PCDH15: variants seen among roughly 807,000 people sequenced by gnomAD.
PCDH15 encodes protocadherin-15.
In PCDH15, 129 loss-of-function variants were observed where a neutral mutation model predicts 178.5. The observed-to-expected ratio is 0.72, with a 90% CI of 0.63 to 0.84. PCDH15 has a LOEUF of 0.84. Among genes scored for constraint, PCDH15 ranks in the 40% least tolerant of loss-of-function variants. The pLI, the probability that PCDH15 is intolerant of heterozygous loss-of-function variation, is 0.00. For missense variants in PCDH15, 2,230 were observed against 2,099.9 expected (o/e 1.06, Z -1.21); for synonymous variants, 800 against 732.0 (o/e 1.09, Z -1.50).
chr10:55,562,849 CA>C (rs1842227945), intron 2 of PCDH15, among the ~76,000 whole-genome samples: 2 of 151,962 alleles, frequency 1.3e-5, no homozygotes, highest in Non-Finnish European at 2.9e-5. Flanking sequence ...GATGGAAAAG[CA>C]AGCACTGGAA....
intron 5 of PCDH15, among the ~76,000 whole-genome samples, chr10:54,368,384 T>C (rs564838776): frequency 6.6e-6 from 1 of 152,096 alleles, no homozygotes; most frequent in Admixed American, 6.6e-5. Context: ...ATTAATGTCA[T>C]TCATTTTTTC....
chr10:55,458,258 G>T (rs746332521), intron 2 of PCDH15, among the ~76,000 whole-genome samples: 4 of 151,890 alleles, frequency 2.6e-5, no homozygotes, highest in Non-Finnish European at 4.4e-5. Context: ...CCTTTTAAAT[G>T]CAATATACCA....
intron 3 of PCDH15, among the ~76,000 whole-genome samples, chr10:54,516,501 G>T (rs1474958146): frequency 1.3e-5 from 2 of 152,028 alleles, no homozygotes; most frequent in African/African-American, 2.4e-5. Flanking sequence ...AAGAAGGGAA[G>T]TTTAGAGAAA....
chr10:55,455,939 G>A (rs1236619137), intron 2 of PCDH15, among the ~76,000 whole-genome samples: 1 of 152,044 alleles, frequency 6.6e-6, no homozygotes, highest in Non-Finnish European at 1.5e-5. Context: ...GAGTTCCTAC[G>A]TAATGAACTA....
At chr10:54,873,136 C>T (rs1230842895) in intron 3 of PCDH15, among the ~76,000 whole-genome samples, 5 of 152,126 alleles carry the variant, frequency 3.3e-5, no homozygotes, top group African/African-American at 1.2e-4. Flanking sequence ...GTGCTGCAAA[C>T]TCTGAAATGA....
At chr10:54,809,792 CTT>C (rs1390526187) in intron 3 of PCDH15, among the ~76,000 whole-genome samples, 1 of 152,028 alleles carries the variant, frequency 6.6e-6, no homozygotes, top group African/African-American at 2.4e-5. Context: ...CAAAAAAAAA[CTT>C]TGTTGGACAA....
intron 13 of PCDH15, among the ~76,000 whole-genome samples, chr10:54,171,165 C>T (rs958213442): frequency 3.0e-4 from 46 of 152,124 alleles, no homozygotes; most frequent in Non-Finnish European, 5.1e-4. Flanking sequence ...TGATAACGGA[C>T]GAGCCTTTAT....
intron 3 of PCDH15, among the ~76,000 whole-genome samples, chr10:54,521,700 T>A (rs866093940): frequency 1.3e-5 from 2 of 152,186 alleles, no homozygotes; most frequent in African/African-American, 2.4e-5. Context: ...ACTGTAATAA[T>A]CCTCTACTTT....
intron 7 of PCDH15, among the ~76,000 whole-genome samples, chr10:54,327,791 G>T (rs1182806330): frequency 6.6e-6 from 1 of 151,968 alleles, no homozygotes; most frequent in Non-Finnish European, 1.5e-5. Context: ...AAAGGCACAG[G>T]ATGGCTTCAG....
At chr10:54,462,315 A>T (rs113769994) in intron 3 of PCDH15, among the ~76,000 whole-genome samples, 107 of 114,200 alleles carry the variant, frequency 9.4e-4, no homozygotes, top group Admixed American at 4.2e-3. Flanking sequence ...TATATATATA[A>T]AATGAAATCC....
intron 8 of PCDH15, among the ~76,000 whole-genome samples, chr10:54,242,773 C>T (rs2055545331): frequency 6.6e-6 from 1 of 151,998 alleles, no homozygotes; most frequent in Admixed American, 6.6e-5. Context: ...ACTGAATGTG[C>T]CCAAGTATTT....
At chr10:55,204,690 ACT>A (rs927308227) in intron 1 of PCDH15, among the ~76,000 whole-genome samples, 15 of 152,050 alleles carry the variant, frequency 9.9e-5, no homozygotes, top group Non-Finnish European at 8.8e-5. Flanking sequence ...ACTTTTGTGG[ACT>A]CCAACATACA....
chr10:54,869,697 T>G (rs1954001034), intron 3 of PCDH15, among the ~76,000 whole-genome samples: 1 of 152,218 alleles, frequency 6.6e-6, no homozygotes, highest in African/African-American at 2.4e-5. Flanking sequence ...AATGTCACAG[T>G]GCCTGGCATA....
chr10:54,396,454 T>C (rs1186551674), intron 3 of PCDH15, among the ~76,000 whole-genome samples: 4 of 152,104 alleles, frequency 2.6e-5, no homozygotes, highest in Non-Finnish European at 4.4e-5. Flanking sequence ...GGTCCATGGG[T>C]CCATTCCAAC....
chr10:55,010,857 T>A (rs1437923086), intron 2 of PCDH15, among the ~76,000 whole-genome samples: 1 of 152,110 alleles, frequency 6.6e-6, no homozygotes, highest in African/African-American at 2.4e-5. Context: ...ATCTCTCTAG[T>A]CTCTGGACTC....
chr10:55,065,382 C>A (rs181361307), intron 2 of PCDH15, among the ~76,000 whole-genome samples: 2 of 152,066 alleles, frequency 1.3e-5, no homozygotes, highest in East Asian at 3.9e-4. Flanking sequence ...GACTTTGAAT[C>A]ATTCAGGTTT....
At chr10:54,480,134 C>A (rs1332468440) in intron 3 of PCDH15, among the ~76,000 whole-genome samples, 1 of 152,066 alleles carries the variant, frequency 6.6e-6, no homozygotes, top group Non-Finnish European at 1.5e-5. Context: ...TCAAGTGATG[C>A]CATCTTGGCC....
chr10:54,423,560 G>C (rs1955828015), intron 3 of PCDH15, among the ~76,000 whole-genome samples: 1 of 151,810 alleles, frequency 6.6e-6, no homozygotes, highest in Non-Finnish European at 1.5e-5. Context: ...GCAGCCACAG[G>C]AAGTCTGAAC....
chr10:55,582,964 G>GGA (rs1842653074), intron 2 of PCDH15, among the ~76,000 whole-genome samples: 1 of 151,896 alleles, frequency 6.6e-6, no homozygotes, highest in Non-Finnish European at 1.5e-5. Context: ...TTTTTATTAA[G>GGA]TTATCATGAT....
Sources: allele counts gnomAD v4.1 joint callset (sites outside exome capture counted in the v4.1 genomes callset), GRCh38; gene constraint gnomAD v4.1.1; transcripts MANE v1.5; gene names NCBI Gene and HGNC (gene_info 2026-07-23, HGNC 2026-07-21).